ZNF169: variants seen among roughly 807,000 people sequenced by gnomAD.
The protein encoded by ZNF169 is zinc finger protein 169.
Under a neutral mutation model 12.0 loss-of-function variants are expected in ZNF169, and 11 were observed. The observed-to-expected ratio is 0.92, with a 90% CI of 0.58 to 1.52. The LOEUF (loss-of-function observed/expected upper bound fraction) is 1.52, where lower values mean the gene tolerates loss of function less well. Among genes scored for constraint, ZNF169 ranks in the 40% most tolerant of loss-of-function variants. ZNF169 has a pLI of 0.00. For synonymous variants in ZNF169, 302 were observed against 286.5 expected (o/e 1.05, Z -0.55); for missense variants, 722 against 744.0 (o/e 0.97, Z 0.34).
At chr9:94,260,403 A>G (rs1457831859) in intron 1 of ZNF169, among the ~76,000 whole-genome samples, 1 of 151,614 alleles carries the variant, frequency 6.6e-6, no homozygotes, top group East Asian at 2.0e-4. Flanking sequence ...TGTGGTGGTG[A>G]TGGTGCAGCT....
intron 4 of ZNF169, among the ~76,000 whole-genome samples, chr9:94,298,997 G>A (rs1260321485): frequency 6.6e-6 from 1 of 152,184 alleles, no homozygotes; most frequent in Non-Finnish European, 1.5e-5. Flanking sequence ...TTATGCTAAT[G>A]AGAAGTCATC....
In ZNF169 at chr9:94,300,512, T is replaced by G. The variant is rs768773176; in HGVS notation, c.954T>G (p.Phe318Leu). 1 of 1,613,958 alleles carries G rather than the reference T, an allele frequency of 6.2e-7. No individual in the cohort carries two copies. The highest frequency in any genetic ancestry group is 2.2e-5 in the East Asian group (1 of 44,856). Residue 318 changes from phenylalanine to leucine, a missense_variant, in exon 5 of 5, where the codon TTT becomes TTG. Coordinates refer to ENST00000395395, the MANE Select transcript of ZNF169 (RefSeq NM_194320.4). ...GGATTCACTCCGGGGAGAGGCCCTT[T>G]GTATGTCAGGAGTGTGGGCGAGGCT... ...HKRIHSGERP[F>L]VCQECGRGFR...
chr9:94,270,830 A>AAT lies in ZNF169; in HGVS notation c.-55-7919_-55-7918dup, dbSNP rs1491042800. Among the ~76,000 whole-genome samples the AAT allele has an allele frequency of 9.5e-4, 3 of 3,150 alleles. 1 individual carries two copies. The highest frequency in any genetic ancestry group is 1.7e-3 in the Non-Finnish European group (2 of 1,148). The allele number at this position is 3,150 out of a possible 152,430, so 2.1% of individuals were successfully genotyped here. On this transcript the variant is annotated intron_variant, in intron 1 of 4. Coordinates refer to ENST00000395395, the MANE Select transcript of ZNF169 (RefSeq NM_194320.4). ...TATTATATTATATAAATATATATAA[A>AAT]ATATATATATTATATTATATAAATA...
chr9:94,286,555 G>GT (rs911917741), intron 2 of ZNF169, among the ~76,000 whole-genome samples: 7 of 151,952 alleles, frequency 4.6e-5, no homozygotes, highest in Non-Finnish European at 7.4e-5. Context: ...TTTTATTCAA[G>GT]TTTTTTTTAA....
chr9:94,259,801 C>T (rs1830166332), intron 1 of ZNF169, among the ~76,000 whole-genome samples: 1 of 152,204 alleles, frequency 6.6e-6, no homozygotes, highest in Non-Finnish European at 1.5e-5. Context: ...CTTTGGAGGA[C>T]ATGATATCCT....
chr9:94,259,375 T>C (rs959206621), intron 1 of ZNF169, 30 bp downstream of exon 1: 37 of 152,370 alleles, frequency 2.4e-4, no homozygotes, highest in African/African-American at 8.4e-4. Context: ...TCTGGTGAGC[T>C]AGCCCGGAGG....
intron 2 of ZNF169, among the ~76,000 whole-genome samples, chr9:94,280,416 C>T (rs563025483): frequency 2.0e-5 from 3 of 152,326 alleles, no homozygotes; most frequent in African/African-American, 4.8e-5. Context: ...CTTACTCTTC[C>T]ACTTCCTGTG....
intron 1 of ZNF169, among the ~76,000 whole-genome samples, chr9:94,266,971 C>T (rs1341658126): frequency 1.0e-4 from 15 of 149,874 alleles, no homozygotes; most frequent in African/African-American, 3.4e-4. Context: ...TGCAGTGGCG[C>T]GATCTTGGCT....
chr9:94,284,906 T>C (rs1326985550), intron 2 of ZNF169, among the ~76,000 whole-genome samples: 1 of 152,140 alleles, frequency 6.6e-6, no homozygotes, highest in East Asian at 1.9e-4. Flanking sequence ...TGGAATCTCA[T>C]GGTACCCTGA....
At chr9:94,279,624 A>G (rs1259152632) in intron 2 of ZNF169, among the ~76,000 whole-genome samples, 1 of 151,636 alleles carries the variant, frequency 6.6e-6, no homozygotes, top group Non-Finnish European at 1.5e-5. Flanking sequence ...TGGGTGACTG[A>G]GCAAGACTCT....
chr9:94,293,881 A>G (rs1283910305), intron 4 of ZNF169: 1 of 152,246 alleles, frequency 6.6e-6, no homozygotes, highest in African/African-American at 2.4e-5. Context: ...AAGAGATAGC[A>G]TGTTATAAAA....
At chr9:94,277,748 A>G (rs10821335) in intron 1 of ZNF169, among the ~76,000 whole-genome samples, 85,583 of 150,750 alleles carry the variant, frequency 0.57, 24,372 homozygotes, top group Middle Eastern at 0.64. Context: ...TGGCTAACAC[A>G]GTGAAACCCC....
intron 2 of ZNF169, chr9:94,288,339 A>G (rs1388881818): frequency 2.0e-5 from 20 of 1,022,990 alleles, no homozygotes; most frequent in South Asian, 5.1e-5. Context: ...ATTTCTCTGT[A>G]AATGCCAGGC....
chr9:94,284,360 G>A (rs1830687605), intron 2 of ZNF169, among the ~76,000 whole-genome samples: 1 of 152,162 alleles, frequency 6.6e-6, no homozygotes, highest in Admixed American at 6.5e-5. Context: ...GGGAAGCTCA[G>A]GTTGCAGTGA....
chr9:94,277,921 G>C (rs1031622096), intron 1 of ZNF169, among the ~76,000 whole-genome samples: 7 of 143,818 alleles, frequency 4.9e-5, no homozygotes, highest in Non-Finnish European at 1.1e-4. Context: ...CACAGAGCGA[G>C]ACTCCGACTC....
chr9:94,270,273 C>G (rs1830365717), intron 1 of ZNF169, among the ~76,000 whole-genome samples: 1 of 152,114 alleles, frequency 6.6e-6, no homozygotes, highest in South Asian at 2.1e-4. Context: ...GCCAACACTG[C>G]TATTTTCTGT....
At chr9:94,292,154 A>G (rs1019383084) in intron 2 of ZNF169, among the ~76,000 whole-genome samples, 187 bp from the exon 3 acceptor site, 1 of 152,260 alleles carries the variant, frequency 6.6e-6, no homozygotes, top group Non-Finnish European at 1.5e-5. Flanking sequence ...TAGAACCAGC[A>G]TCAGTGTATG....
At chr9:94,271,335 A>G (rs571774158) in intron 1 of ZNF169, among the ~76,000 whole-genome samples, 118 of 151,842 alleles carry the variant, frequency 7.8e-4, no homozygotes, top group Middle Eastern at 3.4e-3. Flanking sequence ...GAGTTCAAGC[A>G]ATCCACCTGC....
rs964067738 is a variant in ZNF169 at position 94,300,915 on chromosome 9, A to G, written c.1357A>G (p.Thr453Ala). The change falls in exon 5 of 5, where the codon ACA (threonine) becomes GCA (alanine). Residue 453 changes from threonine (T) to alanine (A), a missense_variant. Transcript: ENST00000395395. ...CCTCATTGGACACCAGAGGACACAC[A>G]CAGGGGAGAAGCCCTACCTGTGCCC... is the stretch of plus-strand genomic sequence containing the variant. Reference protein sequence around the residue: ...VTLIGHQRTHTGEKPYLCPDC... With the variant: ...VTLIGHQRTHAGEKPYLCPDC... The G allele has an allele frequency of 1.2e-6, 2 of 1,609,428 alleles. No individual in the cohort carries two copies. The highest frequency in any genetic ancestry group is 1.7e-6 in the Non-Finnish European group (2 of 1,178,672).
Sources: gnomAD v4.1 joint callset for allele counts (sites outside exome capture counted in the v4.1 genomes callset) on GRCh38, gnomAD v4.1.1 for gene constraint, MANE v1.5 for transcripts, NCBI Gene and HGNC (gene_info 2026-07-23, HGNC 2026-07-21) for gene names.